MALRD1: variants seen among roughly 807,000 people sequenced by gnomAD.
The protein encoded by MALRD1 is MAM and LDL-receptor class A domain-containing protein 1.
Under a neutral mutation model 242.1 loss-of-function variants are expected in MALRD1, and 247 were observed. The observed-to-expected ratio is 1.02, with a 90% CI of 0.92 to 1.13. The LOEUF (loss-of-function observed/expected upper bound fraction) is 1.13, where lower values mean the gene tolerates loss of function less well. MALRD1 is among the 50% of genes most tolerant of loss of function. The pLI, the probability that MALRD1 is intolerant of heterozygous loss-of-function variation, is 0.00. For synonymous variants in MALRD1, 995 were observed against 866.6 expected, an observed-to-expected ratio of 1.15 and a Z score of -2.60; for missense variants, 2,989 against 2,533.1, an observed-to-expected ratio of 1.18 and a Z score of -3.86.
chr10:19,198,650 T>A (rs546379058), intron 14 of MALRD1, among the ~76,000 whole-genome samples: 1 of 152,280 alleles, frequency 6.6e-6, no homozygotes, highest in African/African-American at 2.4e-5. Context: ...CATGAGGAAT[T>A]GTCTACCAAT....
chr10:19,232,028 A>T (rs1838101534), intron 18 of MALRD1, among the ~76,000 whole-genome samples: 2 of 152,102 alleles, frequency 1.3e-5, no homozygotes, highest in Admixed American at 6.6e-5. Context: ...GAAAATAAGG[A>T]TGGCTCTGAA....
chr10:19,145,291 C>A (rs925551844), intron 10 of MALRD1, among the ~76,000 whole-genome samples: 1 of 152,060 alleles, frequency 6.6e-6, no homozygotes, highest in Non-Finnish European at 1.5e-5. Context: ...AGAACCAGTT[C>A]TTTTATGATA....
intron 21 of MALRD1, among the ~76,000 whole-genome samples, chr10:19,294,788 C>A (rs1156279341): frequency 1.3e-5 from 2 of 151,876 alleles, no homozygotes; most frequent in African/African-American, 4.8e-5. Flanking sequence ...TACAAAATTT[C>A]TTTTTTTCAC....
At chr10:19,388,538 G>T (rs1287225237) in intron 27 of MALRD1, among the ~76,000 whole-genome samples, 1 of 152,144 alleles carries the variant, frequency 6.6e-6, no homozygotes, top group South Asian at 2.1e-4. Flanking sequence ...CTGTCATTTT[G>T]AGATGATAAA....
chr10:19,718,001 T>TAAAAAAAA (rs71287313), intron 38 of MALRD1, among the ~76,000 whole-genome samples: 2 of 131,790 alleles, frequency 1.5e-5, no homozygotes, highest in African/African-American at 5.6e-5. Flanking sequence ...AGATTCTACC[T>TAAAAAAAA]AAATAAATAA....
chr10:19,051,590 C>T (rs183809846), intron 1 of MALRD1: 7 of 160,156 alleles, frequency 4.4e-5, no homozygotes, highest in Admixed American at 1.9e-4. Context: ...ATTTACAAGA[C>T]GGACAGGAAT....
chr10:19,317,098 T>G (rs1842737767), intron 21 of MALRD1, among the ~76,000 whole-genome samples: 1 of 151,578 alleles, frequency 6.6e-6, no homozygotes, highest in African/African-American at 2.4e-5. Context: ...ATGCTAGTAC[T>G]ATTGAACACT....
intron 21 of MALRD1, among the ~76,000 whole-genome samples, chr10:19,310,292 G>A (rs1315866043): frequency 1.3e-5 from 2 of 151,488 alleles, no homozygotes; most frequent in Non-Finnish European, 3.0e-5. Flanking sequence ...CACGGGAGCC[G>A]CTTCATTGTT....
chr10:19,122,766 C>T (rs1039829132), intron 5 of MALRD1, among the ~76,000 whole-genome samples: 2 of 152,036 alleles, frequency 1.3e-5, no homozygotes, highest in Non-Finnish European at 2.9e-5. Flanking sequence ...CACTCTGTCA[C>T]CCAGGGTGGA....
At chr10:19,337,688 T>C (rs114497226) in intron 24 of MALRD1, among the ~76,000 whole-genome samples, 1 of 152,148 alleles carries the variant, frequency 6.6e-6, no homozygotes, top group African/African-American at 2.4e-5. Context: ...TATCATCATT[T>C]TGTAGGTTGT....
At chr10:19,160,952 C>G (rs1416700583) in intron 12 of MALRD1, among the ~76,000 whole-genome samples, 1 of 151,518 alleles carries the variant, frequency 6.6e-6, no homozygotes. Context: ...TTTTTTGTGT[C>G]TCTATTTCCT....
intron 28 of MALRD1, among the ~76,000 whole-genome samples, chr10:19,439,129 A>G (rs1834492825): frequency 6.6e-6 from 1 of 152,088 alleles, no homozygotes; most frequent in South Asian, 2.1e-4. Context: ...TTTTTTAAAA[A>G]TTATAATTTT....
intron 2 of MALRD1, among the ~76,000 whole-genome samples, chr10:19,067,322 C>G (rs34041318): frequency 6.6e-6 from 1 of 151,986 alleles, no homozygotes; most frequent in Non-Finnish European, 1.5e-5. Context: ...TTTGAGGTAG[C>G]TCTGGAGCCA....
chr10:19,709,377 T>C (rs1447652133), intron 38 of MALRD1, among the ~76,000 whole-genome samples: 2 of 151,988 alleles, frequency 1.3e-5, no homozygotes, highest in Non-Finnish European at 2.9e-5. Context: ...AGATTGGAGA[T>C]TGGCCACTGC....
At chr10:19,572,768 A>G (rs1038929969) in intron 33 of MALRD1, among the ~76,000 whole-genome samples, 2 of 152,162 alleles carry the variant, frequency 1.3e-5, no homozygotes, top group Non-Finnish European at 2.9e-5. Context: ...CACAGAGAGT[A>G]CCATGTAATG....
chr10:19,717,486 A>G (rs77636143), intron 38 of MALRD1, among the ~76,000 whole-genome samples: 4 of 152,184 alleles, frequency 2.6e-5, no homozygotes, highest in Non-Finnish European at 5.9e-5. Context: ...TCCCCTCCAT[A>G]ACATCTGGGC....
chr10:19,498,105 G>A (rs918668233), intron 30 of MALRD1, among the ~76,000 whole-genome samples: 8 of 152,184 alleles, frequency 5.3e-5, no homozygotes, highest in Admixed American at 1.3e-4. Context: ...AATAGGCTAT[G>A]CTATTCAAAC....
chr10:19,058,388 A>G (rs1412801022), intron 1 of MALRD1, among the ~76,000 whole-genome samples: 9 of 152,226 alleles, frequency 5.9e-5, no homozygotes, highest in Non-Finnish European at 1.3e-4. Flanking sequence ...CAACGAAGCC[A>G]TAATCTTTAT....
chr10:19,466,169 G>A (rs1270346142), intron 29 of MALRD1, among the ~76,000 whole-genome samples: 2 of 151,894 alleles, frequency 1.3e-5, no homozygotes, highest in African/African-American at 4.8e-5. Flanking sequence ...AATTTCTACT[G>A]AGCTGCTTGC....
Sources: gnomAD v4.1 joint callset for allele counts (sites outside exome capture counted in the v4.1 genomes callset) on GRCh38, gnomAD v4.1.1 for gene constraint, MANE v1.5 for transcripts, NCBI Gene and HGNC (gene_info 2026-07-23, HGNC 2026-07-21) for gene names.